Variants in DISP3 observed in about 807,000 individuals in gnomAD.
The protein encoded by DISP3 is dispatched RND transporter family member 3.
Under a neutral mutation model 135.3 loss-of-function variants are expected in DISP3, and 101 were observed. The observed-to-expected ratio is 0.75, with a 90% CI of 0.64 to 0.88. The LOEUF is 0.88. Among genes scored for constraint, DISP3 ranks in the 40% least tolerant of loss-of-function variants. The pLI, the probability that DISP3 is intolerant of heterozygous loss-of-function variation, is 0.00. For synonymous variants in DISP3, 856 were observed against 817.0 expected (o/e 1.05, Z -0.81); for missense variants, 1,713 against 1,878.6 (o/e 0.91, Z 1.63).
In DISP3 at chr1:11,531,085, G is replaced by C; in HGVS notation, c.3229+52G>C. Reference sequence around the variant, plus strand: ...CTCCGAGGGAGGATGGACTGACTGGGGAGGCACAGAGGCCGTGGTCCAAGG... The same window carrying C: ...CTCCGAGGGAGGATGGACTGACTGGCGAGGCACAGAGGCCGTGGTCCAAGG... On this transcript the variant is annotated intron_variant, in intron 16 of 20. Coordinates refer to ENST00000294484, the MANE Select transcript of DISP3 (RefSeq NM_020780.2). This position sits in a 1 kb window ranked among gnomAD's most constrained non-coding sequence, Gnocchi z 5.2. The C allele has an allele frequency of 6.2e-7, 1 of 1,605,472 alleles. No individual in the cohort carries two copies. Among genetic ancestry groups the C allele is most frequent in the Non-Finnish European group, 8.5e-7 (1 of 1,178,244 alleles).
At chr1:11,530,796 CAGGT>C (rs1642555777) in intron 15 of DISP3, 107 bp from the exon 16 acceptor site, 1 of 1,416,840 alleles carries the variant, frequency 7.1e-7, no homozygotes, top group Non-Finnish European at 9.7e-7. Flanking sequence ...ATGAGGGTGA[CAGGT>C]AGCAGGAAGC....
chr1:11,479,440 A>AG (rs1187464692), intron 1 of DISP3, 68 bp downstream of exon 1: 1 of 152,248 alleles, frequency 6.6e-6, no homozygotes, highest in Non-Finnish European at 1.5e-5. Context: ...TGCTAGGAGG[A>AG]GGGGGAAGTC....
Position 11,501,625 on chromosome 1 carries a change from G to C in DISP3, c.633G>C (p.Glu211Asp). Residue 211 changes from glutamate to aspartate, a missense_variant, in exon 2 of 21, where the codon GAG becomes GAC. Glu to Asp is a conservative substitution (Grantham distance 45). Transcript: ENST00000294484. The surrounding 1 kb of genome is among the most constrained non-coding windows in gnomAD (Gnocchi z 4.9). ...GRLRRETPPL[E>D]DLAANQSEDP... Reference sequence around the variant, plus strand: ...TTCGGCGTGAGACCCCGCCCCTGGAGGATCTGGCAGCCAACCAGAGTGAAG... The same window carrying C: ...TTCGGCGTGAGACCCCGCCCCTGGACGATCTGGCAGCCAACCAGAGTGAAG... 1 of 1,608,472 alleles carries C rather than the reference G, an allele frequency of 6.2e-7. No individual in the cohort carries two copies. The highest frequency in any genetic ancestry group is 8.5e-7 in the Non-Finnish European group (1 of 1,177,630).
rs549070577 is a variant in DISP3 at position 11,526,529 on chromosome 1, A to G, written c.2614-122A>G. ...AGCCTCTGCCCAGGGCTCTGTCCCCAACTCCGAGGACTGGGACAGGGTGAA... is the reference window on the plus strand; with the variant it reads ...AGCCTCTGCCCAGGGCTCTGTCCCCGACTCCGAGGACTGGGACAGGGTGAA... On this transcript the variant is annotated intron_variant, in intron 12 of 20. Transcript: ENST00000294484. The G allele has an allele frequency of 3.4e-6, 4 of 1,177,568 alleles. No individual in the cohort carries two copies. In the East Asian group the frequency reaches 9.5e-5, roughly 28 times the overall value. 72.9% of individuals were successfully genotyped at this position (1,177,568 alleles called of 1,614,324 possible). A position where few individuals can be genotyped will look rare whatever the true frequency, so the allele number is the denominator to read the frequency against.
chr1:11,503,764 A>G (rs1413213528), intron 3 of DISP3, among the ~76,000 whole-genome samples: 1 of 152,054 alleles, frequency 6.6e-6, no homozygotes, highest in Non-Finnish European at 1.5e-5. Flanking sequence ...CCTAAAATTA[A>G]CCACACTTCC....
chr1:11,526,916 A>C (rs1570141831), intron 13 of DISP3, 81 bp downstream of exon 13: 10 of 1,432,406 alleles, frequency 7.0e-6, no homozygotes, highest in African/African-American at 1.4e-5. Context: ...CTCTCTTTTC[A>C]CATGAGGGAT....
rs141767050 is a variant in DISP3, at chr1:11,531,617, G to A, written c.3282G>A (p.Leu1094=). The A allele has an allele frequency of 1.0e-3, 1,611 of 1,613,532 alleles. 10 individuals carry two copies. In the African/African-American group the frequency reaches 0.014, roughly 14 times the overall value. Reference sequence around the variant, plus strand: ...TGTTGCACCCTGAGTGCAAGGAGCTGCCCGAGCCCAACCTGCTCCCGGGGC... The same window carrying A: ...TGTTGCACCCTGAGTGCAAGGAGCTACCCGAGCCCAACCTGCTCCCGGGGC... ...LQMLHPECKE[L]PEPNLLPGQL... is the part of the protein sequence containing the mutation. The change falls in exon 17 of 21, where the codon CTG becomes CTA. Residue 1094 remains leucine (L), a synonymous_variant. Coordinates refer to ENST00000294484, the MANE Select transcript of DISP3 (RefSeq NM_020780.2). This position sits in a 1 kb window ranked among gnomAD's most constrained non-coding sequence, Gnocchi z 5.2.
In DISP3 at chr1:11,501,407, G is replaced by T; in HGVS notation, c.415G>T (p.Asp139Tyr). Residue 139 changes from aspartate to tyrosine, a missense_variant, in exon 2 of 21, where the codon GAT (aspartate) becomes TAT (tyrosine). Coordinates refer to ENST00000294484, the MANE Select transcript of DISP3 (RefSeq NM_020780.2). The surrounding 1 kb of genome is among the most constrained non-coding windows in gnomAD (Gnocchi z 4.9). ...QFGSWGRNRR[D>Y]LADFTSETLQ... ...TGGATCCTGGGGGCGGAACCGGCGC[G>T]ATTTGGCCGACTTCACCTCCGAGAC... The T allele has an allele frequency of 1.3e-6, 2 of 1,596,912 alleles. No individual in the cohort carries two copies. Among genetic ancestry groups the T allele is most frequent in the African/African-American group, 1.3e-5 (1 of 74,638 alleles).
intron 1 of DISP3, 31 bp downstream of exon 1, chr1:11,479,403 G>A (rs1021284794): frequency 1.3e-5 from 2 of 152,922 alleles, no homozygotes; most frequent in Admixed American, 6.5e-5. Flanking sequence ...CGCCATCCGG[G>A]CTTGGTCTCG....
Position 11,520,752 on chromosome 1 carries a change from GC to G in DISP3, c.2270del (p.Pro757ArgfsTer20), listed in dbSNP as rs1232801784. The part of the protein sequence containing the change: ...FASRLRPASR[A>X]PLLFRPDTNI... ...CAGCCGGCTCCGCCCCGCCAGCCGG[GC>G]CCCGCTACTCTTCCGGCCTGATACC... On this transcript the variant is annotated frameshift_variant, in exon 10 of 21. Transcript: ENST00000294484. LOFTEE classifies it high-confidence loss of function. The surrounding 1 kb of genome is among the most constrained non-coding windows in gnomAD (Gnocchi z 4.8). 1 of 1,613,392 alleles carries G rather than the reference GC, an allele frequency of 6.2e-7. No individual in the cohort carries two copies. Among genetic ancestry groups the G allele is most frequent in the Non-Finnish European group, 8.5e-7 (1 of 1,180,012 alleles).
At chr1:11,530,815 G>A (rs1427211068) in intron 15 of DISP3, 92 bp from the exon 16 acceptor site, 60 of 1,523,566 alleles carry the variant, frequency 3.9e-5, no homozygotes, top group South Asian at 7.1e-5. Flanking sequence ...GGAAGCTGCT[G>A]GAGGTTCTGC....
In DISP3 at chr1:11,530,966, C is replaced by T. The variant is rs1439421924; in HGVS notation, c.3162C>T (p.His1054=). 6.2e-7 allele frequency: 1 copy of T among 1,614,062 alleles called. No homozygotes were observed. The highest frequency in any genetic ancestry group is 1.1e-5 in the South Asian group (1 of 91,082). Residue 1054 remains histidine, a synonymous_variant, in exon 16 of 21, where the codon CAC becomes CAT. Coordinates refer to ENST00000294484, the MANE Select transcript of DISP3 (RefSeq NM_020780.2). The stretch of plus-strand genomic sequence containing the variant: ...TCAAGGAAATTGGGCACCTGTGTCA[C>T]CTCTGCAAGGCCATCGCAGCCAACT... ...DLFKEIGHLC[H]LCKAIAANSE...
chr1:11,522,744 GCCAGGACCCAGCCAGGACCCAGCCAGGA>G (rs1642261984), intron 10 of DISP3, among the ~76,000 whole-genome samples: 1 of 136,256 alleles, frequency 7.3e-6, no homozygotes, highest in Non-Finnish European at 1.6e-5. Context: ...CCAGGGCCCA[GCCAGGACCCAGCCAGGACCCAGCCAGGA>G]CCCAGCCAGG....
intron 10 of DISP3, among the ~76,000 whole-genome samples, chr1:11,522,353 C>A (rs1312375720): frequency 6.6e-6 from 1 of 152,142 alleles, no homozygotes; most frequent in Admixed American, 6.5e-5. Context: ...TAATCCACTG[C>A]AGCTCCGAGA....
chr1:11,507,655 G>C (rs1641745665), intron 3 of DISP3, among the ~76,000 whole-genome samples: 1 of 152,188 alleles, frequency 6.6e-6, no homozygotes, highest in South Asian at 2.1e-4. Flanking sequence ...CCTTTCCTAG[G>C]TTCTTTCCTT....
chr1:11,505,597 AC>A (rs2100424156), intron 3 of DISP3, among the ~76,000 whole-genome samples: 1 of 152,140 alleles, frequency 6.6e-6, no homozygotes, highest in East Asian at 1.9e-4. Context: ...TCTTAAAATT[AC>A]TCTGTTATTG....
intron 3 of DISP3, among the ~76,000 whole-genome samples, chr1:11,512,454 A>T (rs1330858508): frequency 1.3e-5 from 2 of 152,192 alleles, no homozygotes; most frequent in East Asian, 3.8e-4. Flanking sequence ...CAGTAGCAAA[A>T]TGCCACCAGT....
rs1642015436 is a variant in DISP3, at chr1:11,516,444, T to C, written c.1749+283T>C. Among the ~76,000 whole-genome samples, 1 of 152,170 alleles carries C rather than the reference T, an allele frequency of 6.6e-6. No homozygotes were observed. Among genetic ancestry groups the C allele is most frequent in the South Asian group, 2.1e-4 (1 of 4,824 alleles). ...TGGCAGTTTCCAAAGCTCTTTCTCG[T>C]TTAATCTTCATTACCACGGTAATTG... On this transcript the variant is annotated intron_variant, in intron 6 of 20. Coordinates refer to ENST00000294484, the MANE Select transcript of DISP3 (RefSeq NM_020780.2). This position sits in a 1 kb window ranked among gnomAD's most constrained non-coding sequence, Gnocchi z 5.1.
At chr1:11,480,602 T>C (rs10864509) in intron 1 of DISP3, among the ~76,000 whole-genome samples, 75,269 of 151,364 alleles carry the variant, frequency 0.5, 20,964 homozygotes, top group East Asian at 0.77. Flanking sequence ...CCTGGTGTTC[T>C]CACCGATGCC....
Sources: allele counts gnomAD v4.1 joint callset (sites outside exome capture counted in the v4.1 genomes callset), GRCh38; gene constraint gnomAD v4.1.1; non-coding constraint Gnocchi (gnomAD v3.1); transcripts MANE v1.5; gene names NCBI Gene and HGNC (gene_info 2026-07-23, HGNC 2026-07-21).